Variants in LMBRD1 observed in about 807,000 individuals in gnomAD.
The protein encoded by LMBRD1 is lysosomal cobalamin transport escort protein LMBD1.
A neutral mutation model predicts 74.8 loss-of-function variants in LMBRD1; 64 were observed. The observed-to-expected ratio is 0.86, with a 90% CI of 0.70 to 1.05. The LOEUF is 1.05. Ranked by LOEUF, LMBRD1 falls within the 50% of genes least tolerant of loss-of-function variation. LMBRD1 has a pLI of 0.00. For synonymous variants in LMBRD1, 204 were observed against 216.3 expected, an observed-to-expected ratio of 0.94 and a Z score of 0.50; for missense variants, 652 against 645.9, an observed-to-expected ratio of 1.01 and a Z score of -0.10.
chr6:69,717,790 T>G (rs957281614), intron 8 of LMBRD1, among the ~76,000 whole-genome samples: 1 of 152,170 alleles, frequency 6.6e-6, no homozygotes, highest in Non-Finnish European at 1.5e-5. Flanking sequence ...CGCAACTTCC[T>G]GGGCTCAAGT....
At chr6:69,793,102 G>C (rs2149898919) in intron 1 of LMBRD1, among the ~76,000 whole-genome samples, 1 of 152,308 alleles carries the variant, frequency 6.6e-6, no homozygotes, top group South Asian at 2.1e-4. Context: ...GCTGGCCATA[G>C]TAACTGCTTA....
intron 7 of LMBRD1, among the ~76,000 whole-genome samples, chr6:69,733,009 T>C (rs1188654912): frequency 6.6e-6 from 1 of 152,216 alleles, no homozygotes; most frequent in Non-Finnish European, 1.5e-5. Flanking sequence ...TTATTTGGCA[T>C]TGATTAATAC....
chr6:69,774,480 T>C (rs1241693522), intron 3 of LMBRD1, among the ~76,000 whole-genome samples: 1 of 152,212 alleles, frequency 6.6e-6, no homozygotes, highest in Non-Finnish European at 1.5e-5. Flanking sequence ...TTTAATTCAT[T>C]TACCCCCGCC....
At chr6:69,723,071 T>C (rs1193675297) in intron 7 of LMBRD1, among the ~76,000 whole-genome samples, 1 of 152,060 alleles carries the variant, frequency 6.6e-6, no homozygotes, top group Non-Finnish European at 1.5e-5. Flanking sequence ...AAAAACTGTA[T>C]GAAAAGACAA....
chr6:69,721,572 T>C (rs1021992511), intron 7 of LMBRD1, among the ~76,000 whole-genome samples: 1 of 152,198 alleles, frequency 6.6e-6, no homozygotes, highest in Non-Finnish European at 1.5e-5. Flanking sequence ...AGCAGTGTTA[T>C]CTACCAAGCA....
chr6:69,706,111 T>C, intron 9 of LMBRD1: 1 of 622,556 alleles, frequency 1.6e-6, no homozygotes, highest in Non-Finnish European at 3.0e-6. Context: ...ACCAAATAGA[T>C]AGTTCCAGGG....
chr6:69,726,170 C>T (rs1477267968), intron 7 of LMBRD1, among the ~76,000 whole-genome samples: 1 of 152,110 alleles, frequency 6.6e-6, no homozygotes, highest in Non-Finnish European at 1.5e-5. Context: ...CAAATCAAAA[C>T]TGAGATTATC....
intron 7 of LMBRD1, among the ~76,000 whole-genome samples, chr6:69,724,938 T>C (rs1054558067): frequency 1.4e-4 from 21 of 152,054 alleles, no homozygotes; most frequent in African/African-American, 5.1e-4. Context: ...TTGTTTGCAA[T>C]GATATAATTT....
intron 1 of LMBRD1, among the ~76,000 whole-genome samples, chr6:69,792,379 C>T (rs1766106309): frequency 6.6e-6 from 1 of 152,208 alleles, no homozygotes; most frequent in Non-Finnish European, 1.5e-5. Context: ...ATAGTTTCTG[C>T]CTTTTCTAGA....
intron 10 of LMBRD1, 23 bp from the exon 11 acceptor site, chr6:69,701,568 A>G (rs1202392641): frequency 7.1e-6 from 10 of 1,403,072 alleles, no homozygotes; most frequent in Non-Finnish European, 1.0e-5. Context: ...ACAAAGAATG[A>G]AATTTATGTT....
chr6:69,679,992 T>C (rs1765627574), intron 14 of LMBRD1, among the ~76,000 whole-genome samples: 1 of 152,194 alleles, frequency 6.6e-6, no homozygotes, highest in African/African-American at 2.4e-5. Context: ...AGGAAAATAA[T>C]TGGTTAGTCA....
At chr6:69,679,759 A>G (rs7742015) in intron 14 of LMBRD1, among the ~76,000 whole-genome samples, 86,505 of 151,922 alleles carry the variant, frequency 0.57, 25,110 homozygotes, top group East Asian at 0.73. Context: ...TGTACAGGCA[A>G]ATCTGAACTG....
chr6:69,679,710 A>G (rs963847980), intron 14 of LMBRD1, among the ~76,000 whole-genome samples: 4 of 152,138 alleles, frequency 2.6e-5, no homozygotes, highest in Non-Finnish European at 5.9e-5. Context: ...ACTCTGACAG[A>G]CTTGGAGGTG....
intron 3 of LMBRD1, among the ~76,000 whole-genome samples, chr6:69,779,495 T>C (rs9351775): frequency 0.33 from 50,869 of 151,932 alleles, 9,633 homozygotes; most frequent in East Asian, 0.54. Context: ...CAACCATAAG[T>C]CTGGGATTAA....
At chr6:69,778,387 A>G (rs1315413082) in intron 3 of LMBRD1, among the ~76,000 whole-genome samples, 2 of 152,234 alleles carry the variant, frequency 1.3e-5, no homozygotes, top group Non-Finnish European at 2.9e-5. Context: ...GAGGACTAAG[A>G]AAAATACTTA....
chr6:69,774,418 A>T (rs1473443296), intron 3 of LMBRD1, among the ~76,000 whole-genome samples: 1 of 152,222 alleles, frequency 6.6e-6, no homozygotes, highest in Non-Finnish European at 1.5e-5. Context: ...CAGTTACAGA[A>T]GAACTGAACA....
chr6:69,795,566 T>C (rs912053072), intron 1 of LMBRD1, among the ~76,000 whole-genome samples: 1 of 152,238 alleles, frequency 6.6e-6, no homozygotes, highest in Non-Finnish European at 1.5e-5. Context: ...ACATGCTTAT[T>C]TATTTTTTTC....
intron 3 of LMBRD1, among the ~76,000 whole-genome samples, chr6:69,761,673 TTATAAC>T (rs1340557902): frequency 1.3e-5 from 2 of 152,224 alleles, no homozygotes; most frequent in Non-Finnish European, 2.9e-5. Flanking sequence ...AATTCACAAA[TTATAAC>T]TGTGTAATTC....
chr6:69,749,352 A>G lies in LMBRD1; in HGVS notation c.462T>C (p.Leu154=). The change falls in exon 5 of 16, where the codon CTT becomes CTC. Residue 154 remains leucine, a synonymous_variant. Coordinates refer to ENST00000649934, the MANE Select transcript of LMBRD1 (RefSeq NM_018368.4). ...AAATCAAGACTTACCCAACTAAAAG[A>G]AGCAGTGCACAAATCACAACAAATC... The part of the protein sequence containing the change: ...TLGFVVICAL[L]LLVGAFVPLN... 6.2e-7 allele frequency: 1 copy of G among 1,610,640 alleles called. No homozygotes were observed. Among genetic ancestry groups the G allele is most frequent in the Non-Finnish European group, 8.5e-7 (1 of 1,178,046 alleles).
Sources: gnomAD v4.1 joint callset for allele counts (sites outside exome capture counted in the v4.1 genomes callset) on GRCh38, gnomAD v4.1.1 for gene constraint, MANE v1.5 for transcripts, NCBI Gene and HGNC (gene_info 2026-07-23, HGNC 2026-07-21) for gene names.